Variants in TMEM171 observed in about 807,000 individuals in gnomAD.
The protein encoded by TMEM171 is proline-rich protein PRP2.
In TMEM171, 16 loss-of-function variants were observed where a neutral mutation model predicts 19.1. The observed-to-expected ratio is 0.84, with a 90% CI of 0.57 to 1.27. The LOEUF (loss-of-function observed/expected upper bound fraction) is 1.27, where lower values mean the gene tolerates loss of function less well. Among genes scored for constraint, TMEM171 ranks in the 50% most tolerant of loss-of-function variants. The probability of loss-of-function intolerance (pLI) is 0.00; values close to 1 mark genes in which losing one functional copy is unlikely to be tolerated. For synonymous variants in TMEM171, 153 were observed against 163.4 expected, an observed-to-expected ratio of 0.94 and a Z score of 0.48; for missense variants, 429 against 412.7, an observed-to-expected ratio of 1.04 and a Z score of -0.34.
intron 3 of TMEM171, among the ~76,000 whole-genome samples, chr5:73,129,551 GCCTCCACAC>G (rs1744276689): frequency 6.6e-6 from 1 of 152,084 alleles, no homozygotes; most frequent in South Asian, 2.1e-4. Context: ...TAGATTCCCT[GCCTCCACAC>G]CCTATTCTTC....
intron 2 of TMEM171, among the ~76,000 whole-genome samples, chr5:73,127,384 A>AAAATAT: frequency 1.8e-4 from 15 of 81,664 alleles, no homozygotes; most frequent in African/African-American, 5.3e-4. Flanking sequence ...AAAAAAAAAA[A>AAAATAT]ATATATATAT....
At chr5:73,125,935 G>A (rs1744150998) in intron 2 of TMEM171, among the ~76,000 whole-genome samples, 1 of 152,174 alleles carries the variant, frequency 6.6e-6, no homozygotes, top group African/African-American at 2.4e-5. Context: ...CTTGTTGTGG[G>A]TACACTCAGT....
rs1340240678 is a variant in TMEM171 at position 73,120,705 on chromosome 5, C to T, written c.-69+9C>T. On this transcript the variant is annotated intron_variant, in intron 1 of 3. Transcript: ENST00000454765. ...GCCGGACCCAGCTTCAGGTAAGCTG[C>T]CCCGGCCCGCGCGCCTGCGCCGGCG... 1 of 983,754 alleles carries T rather than the reference C, an allele frequency of 1.0e-6. No individual in the cohort carries two copies. Among genetic ancestry groups the T allele is most frequent in the Non-Finnish European group, 1.2e-6 (1 of 829,368 alleles). The allele number at this position is 983,754 out of a possible 1,614,324, so 60.9% of individuals were successfully genotyped here. A position where few individuals can be genotyped will look rare whatever the true frequency, so the allele number is the denominator to read the frequency against.
At chr5:73,125,159 A>T (rs1258430228) in intron 2 of TMEM171, among the ~76,000 whole-genome samples, 1 of 152,008 alleles carries the variant, frequency 6.6e-6, no homozygotes, top group Non-Finnish European at 1.5e-5. Context: ...GCCAGGGTAG[A>T]TGCTCCCAGC....
intron 2 of TMEM171, 96 bp from the exon 3 acceptor site, chr5:73,128,294 T>C: frequency 4.1e-6 from 6 of 1,476,354 alleles, no homozygotes; most frequent in East Asian, 2.3e-5. Flanking sequence ...GTTGACCTTT[T>C]ATATAGATGG....
intron 1 of TMEM171, among the ~76,000 whole-genome samples, chr5:73,122,589 G>T (rs973889149): frequency 6.2e-4 from 94 of 152,106 alleles, no homozygotes; most frequent in African/African-American, 2.2e-3. Flanking sequence ...AGCAGAGATG[G>T]GGTTTTGCTA....
intron 3 of TMEM171, among the ~76,000 whole-genome samples, chr5:73,129,250 C>T (rs586623): frequency 0.077 from 11,779 of 152,172 alleles, 626 homozygotes; most frequent in Admixed American, 0.13. Context: ...TAGAGGTTTC[C>T]CATTGGCCAC....
intron 1 of TMEM171, among the ~76,000 whole-genome samples, chr5:73,121,571 A>C (rs746762990): frequency 1.3e-5 from 2 of 152,260 alleles, no homozygotes; most frequent in African/African-American, 2.4e-5. Context: ...GGGAAGATTA[A>C]AAAATTAGTG....
chr5:73,128,259 A>T, intron 2 of TMEM171, 131 bp from the exon 3 acceptor site: 1 of 1,077,244 alleles, frequency 9.3e-7, no homozygotes. Context: ...GCTTACTTTT[A>T]AATTTTGGAG....
At chr5:73,122,254 GGTGA>G (rs1206853154) in intron 1 of TMEM171, among the ~76,000 whole-genome samples, 3 of 152,126 alleles carry the variant, frequency 2.0e-5, no homozygotes, top group Non-Finnish European at 4.4e-5. Context: ...CATGGAGGAG[GGTGA>G]GTGAGAGGCC....
chr5:73,128,174 A>G (rs1156528328), intron 2 of TMEM171, among the ~76,000 whole-genome samples: 1 of 150,830 alleles, frequency 6.6e-6, no homozygotes, highest in Non-Finnish European at 1.5e-5. Flanking sequence ...AGCAATTCCC[A>G]CTCCCTTCCT....
At chr5:73,126,461 T>C (rs1744165580) in intron 2 of TMEM171, among the ~76,000 whole-genome samples, 1 of 152,220 alleles carries the variant, frequency 6.6e-6, no homozygotes, top group Non-Finnish European at 1.5e-5. Context: ...CTGTGGCTCA[T>C]GAAGGGTAGA....
chr5:73,126,209 A>G (rs535878696), intron 2 of TMEM171, among the ~76,000 whole-genome samples: 4 of 152,302 alleles, frequency 2.6e-5, no homozygotes, highest in African/African-American at 9.6e-5. Flanking sequence ...CTCAAGGGTT[A>G]CTTCACAGGT....
chr5:73,129,540 G>C (rs147122451), intron 3 of TMEM171, among the ~76,000 whole-genome samples: 1 of 152,156 alleles, frequency 6.6e-6, no homozygotes, highest in African/African-American at 2.4e-5. Flanking sequence ...TGAAACGGCC[G>C]TAGATTCCCT....
chr5:73,123,732 T>C lies in TMEM171; in HGVS notation c.359T>C (p.Leu120Ser), dbSNP rs1423478047. The change falls in exon 2 of 4, where the codon TTG (leucine) becomes TCG (serine). Residue 120 changes from leucine (L) to serine (S), a missense_variant. Physicochemically the swap from Leu to Ser is moderately radical, Grantham distance 145. Coordinates refer to ENST00000454765, the MANE Select transcript of TMEM171 (RefSeq NM_173490.8). ...AQCLIFGFLF[L>S]TSGMLISVLG... ...TGCCTTATCTTTGGGTTTCTGTTCT[T>C]GACAAGCGGCATGCTCATCAGCGTC... 1 of 1,614,166 alleles carries C rather than the reference T, an allele frequency of 6.2e-7. No individual in the cohort carries two copies. Among genetic ancestry groups the C allele is most frequent in the East Asian group, 2.2e-5 (1 of 44,874 alleles).
chr5:73,121,370 T>C (rs1227324300), intron 1 of TMEM171, among the ~76,000 whole-genome samples: 3 of 152,056 alleles, frequency 2.0e-5, no homozygotes, highest in Non-Finnish European at 4.4e-5. Flanking sequence ...GCAAAAGAGA[T>C]TGCATGATTC....
intron 2 of TMEM171, among the ~76,000 whole-genome samples, chr5:73,127,378 A>ATATATATAT (rs1216141842): frequency 3.2e-5 from 2 of 63,240 alleles, no homozygotes; most frequent in Admixed American, 1.5e-4. Context: ...GTAAAAAAAA[A>ATATATATAT]AAAAAAATAT....
At chr5:73,128,241 T>C (rs1428229045) in intron 2 of TMEM171, 149 bp from the exon 3 acceptor site, 2 of 918,272 alleles carry the variant, frequency 2.2e-6, no homozygotes, top group African/African-American at 3.3e-5. Context: ...TCTCTATACA[T>C]TTAATGGGCT....
intron 3 of TMEM171, among the ~76,000 whole-genome samples, chr5:73,128,820 C>T (rs1444259637): frequency 6.6e-6 from 1 of 152,160 alleles, no homozygotes; most frequent in South Asian, 2.1e-4. Flanking sequence ...TTGCCGGGTG[C>T]TGTGGCTCAC....
Sources: gnomAD v4.1 joint callset for allele counts (sites outside exome capture counted in the v4.1 genomes callset) on GRCh38, gnomAD v4.1.1 for gene constraint, MANE v1.5 for transcripts, NCBI Gene and HGNC (gene_info 2026-07-23, HGNC 2026-07-21) for gene names.